NOVA1: variants seen among roughly 807,000 people sequenced by gnomAD.
The protein encoded by NOVA1 is NOVA alternative splicing regulator 1.
A neutral mutation model predicts 38.0 loss-of-function variants in NOVA1; 7 were observed. The observed-to-expected ratio is 0.18, with a 90% CI of 0.10 to 0.35. The LOEUF is 0.35. Ranked by LOEUF, NOVA1 falls within the 10% of genes least tolerant of loss-of-function variation. The pLI is 1.00. For synonymous variants in NOVA1, 270 were observed against 232.5 expected, an observed-to-expected ratio of 1.16 and a Z score of -1.47; for missense variants, 460 against 616.0, an observed-to-expected ratio of 0.75 and a Z score of 2.68.
rs186121361 is a variant in NOVA1, at chr14:26,443,156, G to C, written c.*4803C>G. On this transcript the variant is annotated 3_prime_UTR_variant, in exon 5 of 5. Coordinates refer to ENST00000539517, the MANE Select transcript of NOVA1 (RefSeq NM_002515.3). ...TACAAATATGCATTTCTACAGAACT[G>C]TTTTAATTTTCCAAAATGAGCTTAA... is the stretch of plus-strand genomic sequence containing the variant. 1.3e-5 allele frequency: 2 copies of C among 152,100 alleles called. No homozygotes were observed. Among genetic ancestry groups the C allele is most frequent in the Non-Finnish European group, 1.5e-5 (1 of 67,904 alleles). The allele number at this position is 152,100 out of a possible 1,614,324, so 9.4% of individuals were successfully genotyped here. A position where few individuals can be genotyped will look rare whatever the true frequency, so the allele number is the denominator to read the frequency against.
intron 2 of NOVA1, among the ~76,000 whole-genome samples, chr14:26,579,519 T>A (rs1034815819): frequency 5.3e-5 from 8 of 152,338 alleles, no homozygotes; most frequent in Non-Finnish European, 1.0e-4. Flanking sequence ...ACAAAAATCA[T>A]ACTTACAGTT....
At chr14:26,499,554 C>T (rs1887096073) in intron 2 of NOVA1, among the ~76,000 whole-genome samples, 1 of 152,040 alleles carries the variant, frequency 6.6e-6, no homozygotes, top group Non-Finnish European at 1.5e-5. Context: ...CTATGGGTAA[C>T]ATCAGTGTGT....
chr14:26,544,638 G>A (rs1288401764), intron 2 of NOVA1, among the ~76,000 whole-genome samples: 2 of 151,734 alleles, frequency 1.3e-5, no homozygotes, highest in Non-Finnish European at 2.9e-5. Context: ...TTCATTACTT[G>A]AAAATTTAGT....
intron 1 of NOVA1, 53 bp from the exon 2 acceptor site, chr14:26,595,606 T>C (rs552688662): frequency 1.3e-6 from 2 of 1,533,598 alleles, no homozygotes; most frequent in Admixed American, 1.8e-5. Context: ...AAACTTTGTA[T>C]CCCCTCTCCA....
intron 3 of NOVA1, among the ~76,000 whole-genome samples, chr14:26,475,056 G>A (rs956196403): frequency 3.3e-5 from 5 of 151,950 alleles, no homozygotes; most frequent in African/African-American, 1.2e-4. Flanking sequence ...TTAAATTAAT[G>A]GAACAGGTGT....
chr14:26,501,075 T>G lies in NOVA1; in HGVS notation c.281-20932A>C, dbSNP rs139494743. Among the ~76,000 whole-genome samples, 379 of 152,162 alleles carry G rather than the reference T, an allele frequency of 2.5e-3. 1 individual carries two copies. The highest frequency in any genetic ancestry group is 8.6e-3 in the African/African-American group (358 of 41,552). ...AACCTCTTAATACCCTTACCAAGTATTATTTTATAGAGCATCTTCTCCAAA... is the reference window on the plus strand; with the variant it reads ...AACCTCTTAATACCCTTACCAAGTAGTATTTTATAGAGCATCTTCTCCAAA... On this transcript the variant is annotated intron_variant, in intron 2 of 4. Coordinates refer to ENST00000539517, the MANE Select transcript of NOVA1 (RefSeq NM_002515.3).
At chr14:26,577,228 C>T (rs778212158) in intron 2 of NOVA1, among the ~76,000 whole-genome samples, 236 of 152,114 alleles carry the variant, frequency 1.6e-3, no homozygotes, top group Non-Finnish European at 1.6e-3. Context: ...GATACATATT[C>T]ATGCTTATTC....
chr14:26,596,517 G>A, intron 1 of NOVA1: 2 of 1,277,224 alleles, frequency 1.6e-6, no homozygotes, highest in Non-Finnish European at 2.0e-6. Context: ...ATGTTGTGGT[G>A]TGCCACTCAA....
chr14:26,567,813 C>CA (rs1326055639), intron 2 of NOVA1, among the ~76,000 whole-genome samples: 2 of 152,124 alleles, frequency 1.3e-5, no homozygotes, highest in African/African-American at 4.8e-5. Flanking sequence ...TTTTATTGCT[C>CA]AAGATAAACT....
intron 2 of NOVA1, among the ~76,000 whole-genome samples, chr14:26,499,702 T>C (rs1482956553): frequency 6.6e-6 from 1 of 152,162 alleles, no homozygotes; most frequent in African/African-American, 2.4e-5. Flanking sequence ...GAATTTACTC[T>C]CTTATGGCAA....
At chr14:26,478,118 G>A (rs547924305) in intron 3 of NOVA1, among the ~76,000 whole-genome samples, 1 of 151,800 alleles carries the variant, frequency 6.6e-6, no homozygotes, top group Admixed American at 6.5e-5. Context: ...TTATCTTGAA[G>A]TTAAATAACA....
chr14:26,549,115 T>A (rs1385317852), intron 2 of NOVA1, among the ~76,000 whole-genome samples: 1 of 151,944 alleles, frequency 6.6e-6, no homozygotes, highest in Non-Finnish European at 1.5e-5. Flanking sequence ...CATGATCACA[T>A]CACCATCCTC....
chr14:26,446,143 C>A lies in NOVA1; in HGVS notation c.*1816G>T. 1 of 130,292 alleles carries A rather than the reference C, an allele frequency of 7.7e-6. No homozygotes were observed. 8.1% of individuals were successfully genotyped at this position (130,292 alleles called of 1,614,324 possible). On this transcript the variant is annotated 3_prime_UTR_variant, in exon 5 of 5. Transcript: ENST00000539517. The stretch of plus-strand genomic sequence containing the variant: ...AGAGAACTCTAAATGAAATAACAGT[C>A]CAATGTTAAAAACTAAAAAAAAAAA...
At chr14:26,555,263 T>C (rs1223445368) in intron 2 of NOVA1, among the ~76,000 whole-genome samples, 2 of 152,130 alleles carry the variant, frequency 1.3e-5, no homozygotes, top group African/African-American at 4.8e-5. Flanking sequence ...TAAAATTTAA[T>C]GGGCATTCTC....
chr14:26,460,110 C>A (rs1284236252), intron 4 of NOVA1, among the ~76,000 whole-genome samples: 1 of 151,848 alleles, frequency 6.6e-6, no homozygotes, highest in Non-Finnish European at 1.5e-5. Context: ...TTAGGGAGAA[C>A]AAGCAGTATT....
chr14:26,514,986 C>T (rs552789630), intron 2 of NOVA1, among the ~76,000 whole-genome samples: 1 of 151,902 alleles, frequency 6.6e-6, no homozygotes, highest in African/African-American at 2.4e-5. Context: ...TTTTTACCTA[C>T]ATCTAATAAC....
intron 4 of NOVA1, among the ~76,000 whole-genome samples, chr14:26,462,869 G>A (rs553364531): frequency 1.1e-4 from 16 of 152,190 alleles, no homozygotes; most frequent in Non-Finnish European, 1.8e-4. Context: ...CTGAAATAAG[G>A]ATTTGTTTTC....
chr14:26,479,942 G>A, intron 3 of NOVA1, 35 bp downstream of exon 3: 2 of 1,607,086 alleles, frequency 1.2e-6, no homozygotes, highest in Non-Finnish European at 1.7e-6. Flanking sequence ...CTATGCTGTG[G>A]ATATTTCTCT....
At chr14:26,572,759 T>C (rs1009373176) in intron 2 of NOVA1, among the ~76,000 whole-genome samples, 1 of 151,272 alleles carries the variant, frequency 6.6e-6, no homozygotes, top group Non-Finnish European at 1.5e-5. Flanking sequence ...TGTGTGTGTG[T>C]GTGTGTATGT....
Sources: gnomAD v4.1 joint callset for allele counts (sites outside exome capture counted in the v4.1 genomes callset) on GRCh38, gnomAD v4.1.1 for gene constraint, MANE v1.5 for transcripts, NCBI Gene and HGNC (gene_info 2026-07-23, HGNC 2026-07-21) for gene names.